Variants in NMU observed in about 807,000 individuals in gnomAD.
NMU encodes neuromedin U.
Under a neutral mutation model 35.4 loss-of-function variants are expected in NMU, and 29 were observed. That is an observed-to-expected ratio of 0.82 (90% CI 0.61 to 1.12). The LOEUF (loss-of-function observed/expected upper bound fraction) is 1.12. NMU is among the 50% of genes most tolerant of loss of function. The pLI is 0.00. For synonymous variants in NMU, 78 were observed against 81.3 expected (o/e 0.96, Z 0.22); for missense variants, 199 against 206.2 (o/e 0.97, Z 0.21).
At chr4:55,632,299 T>C (rs2110214547) in intron 1 of NMU, among the ~76,000 whole-genome samples, 1 of 152,264 alleles carries the variant, frequency 6.6e-6, no homozygotes, top group East Asian at 1.9e-4. Context: ...AATTCTACCA[T>C]GTTTTAGGCA....
chr4:55,613,073 C>A (rs545462965), intron 3 of NMU, among the ~76,000 whole-genome samples: 1 of 152,168 alleles, frequency 6.6e-6, no homozygotes, highest in East Asian at 1.9e-4. Flanking sequence ...AAATACCACA[C>A]GTTCTCACTT....
At chr4:55,619,196 A>G (rs952367061) in intron 2 of NMU, among the ~76,000 whole-genome samples, 3 of 151,862 alleles carry the variant, frequency 2.0e-5, no homozygotes, top group Non-Finnish European at 4.4e-5. Context: ...TCCGGTCTAC[A>G]GCTCCCAGCG....
chr4:55,612,561 A>C (rs544894686), intron 3 of NMU, among the ~76,000 whole-genome samples: 1 of 152,358 alleles, frequency 6.6e-6, no homozygotes, highest in East Asian at 1.9e-4. Context: ...ACAAAACAAT[A>C]GAAAGAAAAT....
At position 55,636,106 on chromosome 4, in the gene NMU, G is replaced by GAGCAGC. The variant is rs3838644; in HGVS notation, c.81_86dup (p.Leu28_Leu29dup). On this transcript the variant is annotated inframe_insertion, in exon 1 of 10. Transcript: ENST00000264218. The surrounding 1 kb of genome is among the most constrained non-coding windows in gnomAD (Gnocchi z 4.0). ...CTCGGCAGGCGCCCGCGCACCAGGC[G>GAGCAGC]AGCAGCAGCAGCAGCAGCAGGAGCG... is the stretch of plus-strand genomic sequence containing the variant. 7 of 1,514,392 alleles carry GAGCAGC rather than the reference G, an allele frequency of 4.6e-6. No individual in the cohort carries two copies. The highest frequency in any genetic ancestry group is 2.2e-4 in the Middle Eastern group (1 of 4,526). The allele number at this position is 1,514,392 out of a possible 1,614,324, so 93.8% of individuals were successfully genotyped here.
chr4:55,611,129 A>G (rs1733913930), intron 3 of NMU, among the ~76,000 whole-genome samples: 1 of 152,192 alleles, frequency 6.6e-6, no homozygotes, highest in South Asian at 2.1e-4. Flanking sequence ...TGGGAGGCCA[A>G]GGTGGAAGAA....
intron 3 of NMU, among the ~76,000 whole-genome samples, chr4:55,613,007 C>T (rs10017749): frequency 0.18 from 26,771 of 152,070 alleles, 2,488 homozygotes; most frequent in South Asian, 0.23. Flanking sequence ...TTTGCAGCAA[C>T]ATGGATGGAG....
intron 7 of NMU, among the ~76,000 whole-genome samples, chr4:55,604,679 A>ATATT (rs1553909885): frequency 2.3e-4 from 11 of 47,610 alleles, no homozygotes; most frequent in African/African-American, 1.2e-3. Flanking sequence ...TGCCTGGCTA[A>ATATT]TTTTTTTTTT....
At position 55,607,436 on chromosome 4, in the gene NMU, C is replaced by A; in HGVS notation, c.309+1G>T. On this transcript the variant is annotated splice_donor_variant, in intron 5 of 9. Coordinates refer to ENST00000264218, the MANE Select transcript of NMU (RefSeq NM_006681.4). LOFTEE classifies it high-confidence loss of function. ...GTATAGATGTATGAAAATCATCTTA[C>A]CCTTTTAGTATTATCTTTTTCATCT... The A allele has an allele frequency of 4.7e-6, 5 of 1,053,608 alleles. No individual in the cohort carries two copies. Among genetic ancestry groups the A allele is most frequent in the Non-Finnish European group, 5.8e-6 (4 of 687,704 alleles). The allele number at this position is 1,053,608 out of a possible 1,614,324, so 65.3% of individuals were successfully genotyped here. A position where few individuals can be genotyped will look rare whatever the true frequency, so the allele number is the denominator to read the frequency against.
At chr4:55,611,191 G>A (rs1455131545) in intron 3 of NMU, among the ~76,000 whole-genome samples, 1 of 151,870 alleles carries the variant, frequency 6.6e-6, no homozygotes, top group Non-Finnish European at 1.5e-5. Context: ...GCAAGATCCT[G>A]TCTCTACAAA....
At chr4:55,598,746 C>A (rs946921882) in intron 9 of NMU, among the ~76,000 whole-genome samples, 3 of 152,040 alleles carry the variant, frequency 2.0e-5, no homozygotes, top group Non-Finnish European at 4.4e-5. Context: ...ACTTTCAGTC[C>A]GTAAATCTTG....
At chr4:55,612,154 C>T (rs1733957534) in intron 3 of NMU, among the ~76,000 whole-genome samples, 1 of 152,194 alleles carries the variant, frequency 6.6e-6, no homozygotes, top group Admixed American at 6.5e-5. Context: ...ACACAGGTCA[C>T]CCCACAAAAA....
At chr4:55,613,840 C>T (rs1308217077) in intron 3 of NMU, among the ~76,000 whole-genome samples, 1 of 152,184 alleles carries the variant, frequency 6.6e-6, no homozygotes, top group Non-Finnish European at 1.5e-5. Flanking sequence ...AACACTTCAC[C>T]CGGTTGCCTC....
rs192963349 is a variant in NMU at position 55,627,942 on chromosome 4, T to C, written c.171+2460A>G. Among the ~76,000 whole-genome samples, 310 of 152,354 alleles carry C rather than the reference T, an allele frequency of 2.0e-3. 1 individual carries two copies. Among genetic ancestry groups the C allele is most frequent in the Non-Finnish European group, 3.6e-3 (243 of 68,026 alleles). On this transcript the variant is annotated intron_variant, in intron 2 of 9. Coordinates refer to ENST00000264218, the MANE Select transcript of NMU (RefSeq NM_006681.4). ...TTCTTAACTGGGTAAAGGTTATGTA[T>C]CAAACTTCTAGAGCAAGTTTATACT...
chr4:55,600,990 G>A (rs1267070879), intron 7 of NMU, among the ~76,000 whole-genome samples: 2 of 152,020 alleles, frequency 1.3e-5, no homozygotes, highest in African/African-American at 4.8e-5. Context: ...AAACAGAATT[G>A]TGTCAAAGCT....
intron 2 of NMU, among the ~76,000 whole-genome samples, chr4:55,628,140 T>C (rs1734607052): frequency 6.6e-6 from 1 of 152,196 alleles, no homozygotes; most frequent in Non-Finnish European, 1.5e-5. Context: ...TCAAAATTAT[T>C]ACCAGATAGC....
chr4:55,597,210 G>A (rs968726865), intron 9 of NMU, among the ~76,000 whole-genome samples: 1 of 151,614 alleles, frequency 6.6e-6, no homozygotes, highest in African/African-American at 2.4e-5. Context: ...AAAAGTTTTT[G>A]TATTAATATT....
At chr4:55,610,004 T>C (rs1345978812) in intron 3 of NMU, among the ~76,000 whole-genome samples, 1 of 152,238 alleles carries the variant, frequency 6.6e-6, no homozygotes, top group African/African-American at 2.4e-5. Context: ...ATTTCTGCTC[T>C]TTATTAGCTG....
In NMU at chr4:55,636,046, T is replaced by A. The variant is rs1715904030; in HGVS notation, c.112+35A>T. 1 of 1,527,286 alleles carries A rather than the reference T, an allele frequency of 6.5e-7. No individual in the cohort carries two copies. Among genetic ancestry groups the A allele is most frequent in the Non-Finnish European group, 8.8e-7 (1 of 1,142,822 alleles). The allele number at this position is 1,527,286 out of a possible 1,614,324, so 94.6% of individuals were successfully genotyped here. ...GAGTGGAGCCAGAGAGAGGCGCGCATGGCGTGGAAGCGGCCGGGTGCGGGG... is the reference window on the plus strand; with the variant it reads ...GAGTGGAGCCAGAGAGAGGCGCGCAAGGCGTGGAAGCGGCCGGGTGCGGGG... On this transcript the variant is annotated intron_variant, in intron 1 of 9. Coordinates refer to ENST00000264218, the MANE Select transcript of NMU (RefSeq NM_006681.4). The surrounding 1 kb of genome is among the most constrained non-coding windows in gnomAD (Gnocchi z 4.0).
intron 3 of NMU, 23 bp downstream of exon 3, chr4:55,616,315 A>G (rs906804284): frequency 6.3e-7 from 1 of 1,587,014 alleles, no homozygotes; most frequent in African/African-American, 1.3e-5. Context: ...ACATTATTAC[A>G]AAATATCTTC....
Sources: gnomAD v4.1 joint callset for allele counts (sites outside exome capture counted in the v4.1 genomes callset) on GRCh38, gnomAD v4.1.1 for gene constraint, Gnocchi (gnomAD v3.1) non-coding constraint, MANE v1.5 for transcripts, NCBI Gene and HGNC (gene_info 2026-07-23, HGNC 2026-07-21) for gene names.